CTNNA3: variants seen among roughly 807,000 people sequenced by gnomAD.
CTNNA3 encodes catenin alpha-3.
A neutral mutation model predicts 95.7 loss-of-function variants in CTNNA3; 76 were observed. The ratio of observed to expected loss-of-function variants is 0.79; its 90% CI spans 0.66 to 0.96. CTNNA3 has a LOEUF of 0.96. Among genes scored for constraint, CTNNA3 ranks in the 40% least tolerant of loss-of-function variants. CTNNA3 has a pLI of 0.00. For synonymous variants in CTNNA3, 431 were observed against 374.4 expected (o/e 1.15, Z -1.74); for missense variants, 1,191 against 1,089.8 (o/e 1.09, Z -1.31).
At chr10:66,688,549 T>C (rs1251572915) in intron 9 of CTNNA3, among the ~76,000 whole-genome samples, 1 of 152,196 alleles carries the variant, frequency 6.6e-6, no homozygotes, top group East Asian at 1.9e-4. Context: ...TGACACTATC[T>C]ACAGTAGCCA....
At chr10:66,377,350 AT>A (rs1374277870) in intron 12 of CTNNA3, among the ~76,000 whole-genome samples, 1 of 152,052 alleles carries the variant, frequency 6.6e-6, no homozygotes, top group Non-Finnish European at 1.5e-5. Flanking sequence ...AAGAAAACAG[AT>A]TTTTTTCTCT....
At chr10:66,132,405 G>T (rs1445517836) in intron 13 of CTNNA3, among the ~76,000 whole-genome samples, 1 of 152,094 alleles carries the variant, frequency 6.6e-6, no homozygotes, top group Non-Finnish European at 1.5e-5. Context: ...AAAATAACAG[G>T]TGCTGGCAAG....
intron 7 of CTNNA3, among the ~76,000 whole-genome samples, chr10:67,094,850 A>C (rs1450408224): frequency 6.6e-6 from 1 of 151,730 alleles, no homozygotes; most frequent in Non-Finnish European, 1.5e-5. Context: ...CATATACCAT[A>C]TCATGTATAT....
At chr10:66,974,287 C>T (rs1056205832) in intron 7 of CTNNA3, among the ~76,000 whole-genome samples, 1 of 152,130 alleles carries the variant, frequency 6.6e-6, no homozygotes, top group African/African-American at 2.4e-5. Flanking sequence ...ATAAGTTATT[C>T]CTTAAGAAGA....
chr10:67,757,957 C>G (rs1841442569), intron 1 of CTNNA3, among the ~76,000 whole-genome samples: 1 of 152,042 alleles, frequency 6.6e-6, no homozygotes, highest in Admixed American at 6.6e-5. Flanking sequence ...GAGGGTATCT[C>G]CAGAAGTGAT....
intron 7 of CTNNA3, among the ~76,000 whole-genome samples, chr10:66,830,147 A>G (rs184946463): frequency 1.2e-3 from 184 of 152,268 alleles, no homozygotes; most frequent in African/African-American, 4.2e-3. Context: ...TCTGGCTTAT[A>G]TTTCACAGAC....
At chr10:66,232,939 C>T (rs1564793295) in intron 13 of CTNNA3, among the ~76,000 whole-genome samples, 2 of 151,944 alleles carry the variant, frequency 1.3e-5, no homozygotes, top group South Asian at 4.2e-4. Context: ...GGGCGGCTCA[C>T]GAGGTCAGGA....
chr10:66,491,916 A>C (rs960886125), intron 11 of CTNNA3, among the ~76,000 whole-genome samples: 10 of 152,006 alleles, frequency 6.6e-5, no homozygotes, highest in Non-Finnish European at 1.2e-4. Flanking sequence ...CTTCATCCCC[A>C]TTTTAGTCTT....
intron 9 of CTNNA3, among the ~76,000 whole-genome samples, chr10:66,684,082 G>C (rs952388184): frequency 6.6e-6 from 1 of 152,116 alleles, no homozygotes; most frequent in Non-Finnish European, 1.5e-5. Context: ...TTTACAATAA[G>C]TTGACCTCTC....
chr10:66,542,860 A>C (rs992682684), intron 10 of CTNNA3, among the ~76,000 whole-genome samples: 1 of 152,258 alleles, frequency 6.6e-6, no homozygotes. Context: ...CACGTTGTGC[A>C]CATGTACCCT....
chr10:67,594,342 T>C (rs1233036878), intron 3 of CTNNA3, among the ~76,000 whole-genome samples: 2 of 152,188 alleles, frequency 1.3e-5, no homozygotes, highest in African/African-American at 4.8e-5. Context: ...CTCTTCTTTA[T>C]ATGTCTGGTA....
At chr10:65,930,398 A>T (rs1024682042) in intron 17 of CTNNA3, among the ~76,000 whole-genome samples, 1 of 152,126 alleles carries the variant, frequency 6.6e-6, no homozygotes, top group East Asian at 1.9e-4. Context: ...TGCCAAGTAG[A>T]TAAACTAACA....
At chr10:66,464,772 A>AG (rs1229776441) in intron 11 of CTNNA3, among the ~76,000 whole-genome samples, 2 of 151,900 alleles carry the variant, frequency 1.3e-5, no homozygotes, top group African/African-American at 4.8e-5. Flanking sequence ...AAAAATAAAA[A>AG]AAAAAACAAA....
intron 17 of CTNNA3, among the ~76,000 whole-genome samples, chr10:65,925,403 G>T (rs1201333153): frequency 6.6e-6 from 1 of 152,020 alleles, no homozygotes; most frequent in Non-Finnish European, 1.5e-5. Flanking sequence ...CCTTCTTGCA[G>T]ACTTTGCACA....
intron 7 of CTNNA3, among the ~76,000 whole-genome samples, chr10:66,794,611 G>C (rs1841117668): frequency 6.6e-6 from 1 of 152,120 alleles, no homozygotes; most frequent in Non-Finnish European, 1.5e-5. Context: ...TGATCAGGGT[G>C]GTGGTTGCTG....
intron 5 of CTNNA3, among the ~76,000 whole-genome samples, chr10:67,260,955 G>A (rs1177728721): frequency 1.3e-5 from 2 of 152,136 alleles, no homozygotes; most frequent in Non-Finnish European, 2.9e-5. Flanking sequence ...AAAGTGCTAG[G>A]ATTACAGGCG....
intron 15 of CTNNA3, among the ~76,000 whole-genome samples, chr10:66,013,974 C>T (rs1358985328): frequency 6.6e-6 from 1 of 152,158 alleles, no homozygotes; most frequent in African/African-American, 2.4e-5. Context: ...TTAATACTTT[C>T]CTTTAAAACC....
At chr10:65,944,854 G>GTCTATCTA (rs56952134) in intron 17 of CTNNA3, among the ~76,000 whole-genome samples, 1,658 of 144,942 alleles carry the variant, frequency 0.011, 13 homozygotes, top group East Asian at 0.018. Context: ...GAAAATATCT[G>GTCTATCTA]TCTATCTATC....
At chr10:67,424,954 T>C (rs1225953985) in intron 5 of CTNNA3, among the ~76,000 whole-genome samples, 1 of 152,122 alleles carries the variant, frequency 6.6e-6, no homozygotes, top group Admixed American at 6.6e-5. Flanking sequence ...ATTCAGTCCC[T>C]AATACTATTT....
Sources: gnomAD v4.1 joint callset for allele counts (sites outside exome capture counted in the v4.1 genomes callset) on GRCh38, gnomAD v4.1.1 for gene constraint, MANE v1.5 for transcripts, NCBI Gene and HGNC (gene_info 2026-07-23, HGNC 2026-07-21) for gene names.